Variants in CA12 observed in about 807,000 individuals in gnomAD.
The protein encoded by CA12 is carbonic anhydrase 12, also known as carbonate dehydratase XII.
CA12 carries 36 observed loss-of-function variants against 46.8 expected under a neutral mutation model. That is an observed-to-expected ratio of 0.77 (90% confidence interval 0.59 to 1.02). CA12 has a LOEUF of 1.02. CA12 is among the 50% of genes least tolerant of loss of function. The pLI is 0.00. For synonymous variants in CA12, 202 were observed against 187.0 expected (o/e 1.08, Z -0.65); for missense variants, 436 against 451.4 (o/e 0.97, Z 0.31).
Position 63,381,685 on chromosome 15 carries a change from G to C in CA12, c.36C>G (p.Leu12=), listed in dbSNP as rs1275660135. 4.3e-6 allele frequency: 7 copies of C among 1,609,740 alleles called. No homozygotes were observed. Among genetic ancestry groups the C allele is most frequent in the Non-Finnish European group, 5.1e-6 (6 of 1,178,106 alleles). ...GCTGTTCCTTTAAGATCACCAGCAGGAGCACGGCCGCCGCGTGCAGGCTGC... is the reference window on the plus strand; with the variant it reads ...GCTGTTCCTTTAAGATCACCAGCAGCAGCACGGCCGCCGCGTGCAGGCTGC... ...PRRSLHAAAV[L]LLVILKEQPS... The change falls in exon 1 of 11, where the codon CTC becomes CTG. Residue 12 remains leucine (L), a synonymous_variant. Coordinates refer to ENST00000178638, the MANE Select transcript of CA12 (RefSeq NM_001218.5).
chr15:63,340,376 CG>C lies in CA12; in HGVS notation c.658del (p.Arg220AlafsTer6). On this transcript the variant is annotated frameshift_variant, in exon 7 of 11. Transcript: ENST00000178638. LOFTEE classifies it high-confidence loss of function. The surrounding 1 kb of genome is among the most constrained non-coding windows in gnomAD (Gnocchi z 4.4). ...LLPERTAEYY[R>X]YRGSLTTPPC... ...GGGTGTGGTCAGGGACCCCCGGTAG[CG>C]GTAATATTCAGCGGTCCTCTCCGGA... 1 of 1,614,068 alleles carries C rather than the reference CG, an allele frequency of 6.2e-7. No homozygotes were observed. The highest frequency in any genetic ancestry group is 8.5e-7 in the Non-Finnish European group (1 of 1,179,968).
intron 2 of CA12, among the ~76,000 whole-genome samples, chr15:63,364,181 A>G (rs1401148829): frequency 6.6e-6 from 1 of 151,260 alleles, no homozygotes; most frequent in Non-Finnish European, 1.5e-5. Flanking sequence ...CTGTCTCAAA[A>G]AAAAAGTGGG....
chr15:63,376,683 C>G (rs547146502), intron 1 of CA12, among the ~76,000 whole-genome samples: 1 of 151,622 alleles, frequency 6.6e-6, no homozygotes, highest in Non-Finnish European at 1.5e-5. Flanking sequence ...GGGTCTCACT[C>G]TGTCACTGGA....
At chr15:63,377,666 T>C (rs1031498935) in intron 1 of CA12, among the ~76,000 whole-genome samples, 1 of 152,188 alleles carries the variant, frequency 6.6e-6, no homozygotes, top group African/African-American at 2.4e-5. Flanking sequence ...AAACCTCAGT[T>C]CCCTGACATT....
At position 63,381,795 on chromosome 15, in the gene CA12, C is replaced by A; in HGVS notation, c.-75G>T. 3 of 1,017,360 alleles carry A rather than the reference C, an allele frequency of 2.9e-6. No individual in the cohort carries two copies. Among genetic ancestry groups the A allele is most frequent in the East Asian group, 3.1e-5 (1 of 31,924 alleles). 63.0% of individuals were successfully genotyped at this position (1,017,360 alleles called of 1,614,324 possible). On this transcript the variant is annotated 5_prime_UTR_variant, in exon 1 of 11. Transcript: ENST00000178638. ...TGGCCGCTCGCTCTCCAGCTGCACA[C>A]CGGGACCGCGTGCGCGCAGCCTGGG...
intron 2 of CA12, among the ~76,000 whole-genome samples, chr15:63,366,847 T>G (rs531418694): frequency 9.2e-5 from 14 of 152,332 alleles, no homozygotes; most frequent in African/African-American, 3.4e-4. Context: ...CAGAAATCTG[T>G]TACAAGGTTT....
rs1194813354 is a variant in CA12 at position 63,374,003 on chromosome 15, G to A, written c.106+1655C>T. On this transcript the variant is annotated intron_variant, in intron 2 of 10. Transcript: ENST00000178638. The surrounding 1 kb of genome is among the most constrained non-coding windows in gnomAD (Gnocchi z 4.4). ...CACTGTAAACTGGATGTGAAGACAC[G>A]GAACGGGGTTTCTCCACAGGCCAAA... Among the ~76,000 whole-genome samples the A allele has an allele frequency of 6.6e-6, 1 of 152,068 alleles. No individual in the cohort carries two copies. Among genetic ancestry groups the A allele is most frequent in the South Asian group, 2.1e-4 (1 of 4,812 alleles).
In CA12 at chr15:63,341,823, G is replaced by A. The variant is rs1485592241; in HGVS notation, c.525+179C>T. Among the ~76,000 whole-genome samples, 2 of 152,202 alleles carry A rather than the reference G, an allele frequency of 1.3e-5. No homozygotes were observed. The highest frequency in any genetic ancestry group is 4.8e-5 in the African/African-American group (2 of 41,438). ...CATTTCTGCTGCCCAGGCACAGAAA[G>A]TGCTGCCTCCAGGCCAAGAGAGAAG... On this transcript the variant is annotated intron_variant, in intron 5 of 10. Coordinates refer to ENST00000178638, the MANE Select transcript of CA12 (RefSeq NM_001218.5). The surrounding 1 kb of genome is among the most constrained non-coding windows in gnomAD (Gnocchi z 5.2).
In CA12 at chr15:63,328,245, G is replaced by T; in HGVS notation, c.875-115C>A. On this transcript the variant is annotated intron_variant, in intron 8 of 10. Coordinates refer to ENST00000178638, the MANE Select transcript of CA12 (RefSeq NM_001218.5). This position sits in a 1 kb window ranked among gnomAD's most constrained non-coding sequence, Gnocchi z 5.9. ...TTGGTCTTAGGCTGACAGACCTCTA[G>T]GGATGTCCACCCTTGGCTCAGGGAT... The T allele has an allele frequency of 1.1e-6, 1 of 928,786 alleles. No individual in the cohort carries two copies. Among genetic ancestry groups the T allele is most frequent in the South Asian group, 1.4e-5 (1 of 73,512 alleles). The allele number at this position is 928,786 out of a possible 1,614,324, so 57.5% of individuals were successfully genotyped here.
Position 63,339,045 on chromosome 15 carries a change from C to A in CA12, c.748-100G>T. The A allele has an allele frequency of 6.9e-7, 1 of 1,452,932 alleles. No homozygotes were observed. The highest frequency in any genetic ancestry group is 1.2e-5 in the South Asian group (1 of 83,884). 90.0% of individuals were successfully genotyped at this position (1,452,932 alleles called of 1,614,324 possible). On this transcript the variant is annotated intron_variant, in intron 7 of 10. Coordinates refer to ENST00000178638, the MANE Select transcript of CA12 (RefSeq NM_001218.5). This position sits in a 1 kb window ranked among gnomAD's most constrained non-coding sequence, Gnocchi z 4.3. ...CCGCTCTTGCACCTGGGAGAAGCCT[C>A]TGGAACCAGCTTCTGTGGGGCCGGG... is the stretch of plus-strand genomic sequence containing the variant.
chr15:63,340,888 C>T lies in CA12; in HGVS notation c.526-105G>A, dbSNP rs1463983669. The T allele has an allele frequency of 8.8e-6, 8 of 909,598 alleles. No homozygotes were observed. Among genetic ancestry groups the T allele is most frequent in the Non-Finnish European group, 1.3e-5 (7 of 550,510 alleles). 56.3% of individuals were successfully genotyped at this position (909,598 alleles called of 1,614,324 possible). ...CAAAGCTGTGGGTATGTTGCCACCA[C>T]TGCCTGAAGGATCCACTTTACTGGA... is the stretch of plus-strand genomic sequence containing the variant. On this transcript the variant is annotated intron_variant, in intron 5 of 10. Transcript: ENST00000178638. The surrounding 1 kb of genome is among the most constrained non-coding windows in gnomAD (Gnocchi z 4.4).
chr15:63,375,548 T>C (rs1286238125), intron 2 of CA12, 110 bp downstream of exon 2: 2 of 738,968 alleles, frequency 2.7e-6, no homozygotes, highest in Non-Finnish European at 4.7e-6. Context: ...GAACTGTGCT[T>C]CCGACCCTTC....
At chr15:63,370,581 T>C (rs919166616) in intron 2 of CA12, among the ~76,000 whole-genome samples, 6 of 152,058 alleles carry the variant, frequency 3.9e-5, no homozygotes, top group African/African-American at 1.4e-4. Context: ...GAGACCAGCC[T>C]GGTCAACATG....
chr15:63,358,965 A>T (rs2039327049), intron 2 of CA12, among the ~76,000 whole-genome samples: 1 of 151,634 alleles, frequency 6.6e-6, no homozygotes. Context: ...GTTTCTGGGG[A>T]CACTGCTTTG....
rs1288014686 is a variant in CA12 at position 63,321,752 on chromosome 15, G to C, written c.*4533C>G. 6.6e-6 allele frequency: 1 copy of C among 151,746 alleles called. No individual in the cohort carries two copies. The highest frequency in any genetic ancestry group is 1.5e-5 in the Non-Finnish European group (1 of 67,938). 9.4% of individuals were successfully genotyped at this position (151,746 alleles called of 1,614,324 possible). A position where few individuals can be genotyped will look rare whatever the true frequency, so the allele number is the denominator to read the frequency against. On this transcript the variant is annotated 3_prime_UTR_variant, in exon 11 of 11. Transcript: ENST00000178638. The surrounding 1 kb of genome is among the most constrained non-coding windows in gnomAD (Gnocchi z 4.5). ...AGGGGCGAGGGGGTGGCGGTGCCAG[G>C]GTCCTGCAGTTCACCAGGTGCCCAC...
Position 63,364,809 on chromosome 15 carries a change from C to A in CA12, c.106+10849G>T, listed in dbSNP as rs999392138. ...TCACCGCACTCCCTCCACTGCCCAA[C>A]CTCTTCCAAAGATGTGTTCCTGAGG... On this transcript the variant is annotated intron_variant, in intron 2 of 10. Transcript: ENST00000178638. 6.6e-5 allele frequency among the ~76,000 whole-genome samples: 10 copies of A among 152,248 alleles called. No individual in the cohort carries two copies. The South Asian group carries it at 1.9e-3, about 28-fold the overall frequency.
chr15:63,362,282 T>C (rs1157251187), intron 2 of CA12, among the ~76,000 whole-genome samples: 1 of 152,208 alleles, frequency 6.6e-6, no homozygotes, highest in Non-Finnish European at 1.5e-5. Context: ...AATGCTATGA[T>C]ATAGACACTG....
intron 2 of CA12, among the ~76,000 whole-genome samples, chr15:63,371,269 G>A (rs902629724): frequency 6.6e-6 from 1 of 152,214 alleles, no homozygotes; most frequent in Non-Finnish European, 1.5e-5. Flanking sequence ...TTGCCCCAGT[G>A]GAGGATCTCC....
Position 63,345,726 on chromosome 15 carries a change from C to T in CA12, c.287-107G>A. ...CCACCCCTGCTGCCACCCCCTGGAGCCCAGAGAGAGGCAGGTGGATGGAGT... is the reference window on the plus strand; with the variant it reads ...CCACCCCTGCTGCCACCCCCTGGAGTCCAGAGAGAGGCAGGTGGATGGAGT... On this transcript the variant is annotated intron_variant, in intron 3 of 10. Coordinates refer to ENST00000178638, the MANE Select transcript of CA12 (RefSeq NM_001218.5). The surrounding 1 kb of genome is among the most constrained non-coding windows in gnomAD (Gnocchi z 4.3). 2.1e-6 allele frequency: 3 copies of T among 1,418,534 alleles called. No individual in the cohort carries two copies. Among genetic ancestry groups the T allele is most frequent in the Non-Finnish European group, 1.9e-6 (2 of 1,039,828 alleles). The allele number at this position is 1,418,534 out of a possible 1,614,324, so 87.9% of individuals were successfully genotyped here.
Sources: allele counts gnomAD v4.1 joint callset (sites outside exome capture counted in the v4.1 genomes callset), GRCh38; gene constraint gnomAD v4.1.1; non-coding constraint Gnocchi (gnomAD v3.1); transcripts MANE v1.5; gene names NCBI Gene and HGNC (gene_info 2026-07-23, HGNC 2026-07-21).